KBTBD4: variants seen among roughly 807,000 people sequenced by gnomAD.
KBTBD4 encodes kelch repeat and BTB domain containing 4.
KBTBD4 carries 30 observed loss-of-function variants against 43.9 expected under a neutral mutation model. That is an observed-to-expected ratio of 0.68 (90% CI 0.51 to 0.93). The LOEUF (loss-of-function observed/expected upper bound fraction) is 0.93, where lower values mean the gene tolerates loss of function less well. KBTBD4 is among the 40% of genes least tolerant of loss of function. The pLI, the probability that KBTBD4 is intolerant of heterozygous loss-of-function variation, is 0.00. For missense variants in KBTBD4, 575 were observed against 668.8 expected (o/e 0.86, Z 1.55); for synonymous variants, 258 against 256.9 (o/e 1.00, Z -0.04).
intron 1 of KBTBD4, 155 bp downstream of exon 1, chr11:47,578,778 G>T: frequency 6.6e-7 from 1 of 1,519,768 alleles, no homozygotes; most frequent in Non-Finnish European, 8.8e-7. Context: ...GAGCGGGGGA[G>T]GGGTGTGTAG....
chr11:47,573,373 C>T lies in KBTBD4; in HGVS notation c.1162G>A (p.Ala388Thr). The part of the protein sequence containing the change: ...TQLEVAVSGA[A>T]GANLNGIIYL... Reference sequence around the variant, plus strand: ...ATGATCCCGTTGAGGTTGGCACCAGCAGCCCCTGACACAGCCACCTCTAGC... The same window carrying T: ...ATGATCCCGTTGAGGTTGGCACCAGTAGCCCCTGACACAGCCACCTCTAGC... Residue 388 changes from alanine to threonine, a missense_variant, in exon 4 of 4, where the codon GCT becomes ACT. Transcript: ENST00000430070. This position sits in a 1 kb window ranked among gnomAD's most constrained non-coding sequence, Gnocchi z 4.1. The T allele has an allele frequency of 6.2e-7, 1 of 1,614,200 alleles. No homozygotes were observed. The highest frequency in any genetic ancestry group is 8.5e-7 in the Non-Finnish European group (1 of 1,180,040).
At chr11:47,575,913 A>G (rs1288777531) in intron 2 of KBTBD4, among the ~76,000 whole-genome samples, 1 of 150,936 alleles carries the variant, frequency 6.6e-6, no homozygotes, top group African/African-American at 2.4e-5. Flanking sequence ...CAGAAGTGCA[A>G]TGGCGCAATC....
chr11:47,575,883 G>T (rs546889423), intron 2 of KBTBD4, among the ~76,000 whole-genome samples, 184 bp from the exon 3 acceptor site: 4 of 150,490 alleles, frequency 2.7e-5, no homozygotes, highest in East Asian at 1.9e-4. Context: ...TTGAGGCAGG[G>T]TCTCACCCTG....
chr11:47,578,422 A>T, intron 1 of KBTBD4: 3 of 569,130 alleles, frequency 5.3e-6, no homozygotes, highest in Non-Finnish European at 9.2e-6. Flanking sequence ...GCTCAGGGGC[A>T]GTAGAATCAG....
chr11:47,572,322 A>G lies in KBTBD4; in HGVS notation c.*608T>C, dbSNP rs758801128. On this transcript the variant is annotated 3_prime_UTR_variant, in exon 4 of 4. Coordinates refer to ENST00000430070, the MANE Select transcript of KBTBD4 (RefSeq NM_018095.6). ...TTTCTGCTATTAATCAGAAATAATC[A>G]TTTCTATTTTCTGGCTTACCCCTTG... is the stretch of plus-strand genomic sequence containing the variant. 3.9e-5 allele frequency: 6 copies of G among 152,926 alleles called. No homozygotes were observed. The highest frequency in any genetic ancestry group is 1.4e-4 in the African/African-American group (6 of 41,466). 9.5% of individuals were successfully genotyped at this position (152,926 alleles called of 1,614,324 possible). A position where few individuals can be genotyped will look rare whatever the true frequency, so the allele number is the denominator to read the frequency against.
chr11:47,574,802 C>T (rs763256678), intron 3 of KBTBD4, among the ~76,000 whole-genome samples: 1 of 151,888 alleles, frequency 6.6e-6, no homozygotes. Context: ...TGCAGTGAGC[C>T]GAGATCGCAC....
At chr11:47,578,829 C>T in intron 1 of KBTBD4, 104 bp downstream of exon 1, 1 of 1,546,148 alleles carries the variant, frequency 6.5e-7, no homozygotes, top group Non-Finnish European at 8.7e-7. Flanking sequence ...TCCTCTCACC[C>T]GCCTGGTTCT....
At position 47,572,850 on chromosome 11, in the gene KBTBD4, T is replaced by G. The variant is rs2097251690; in HGVS notation, c.*80A>C. ...TAGTATGTGCCAAAAAAAACATAAC[T>G]CTGAATTGGGGCCCAGGGGACTTTG... On this transcript the variant is annotated 3_prime_UTR_variant, in exon 4 of 4. Coordinates refer to ENST00000430070, the MANE Select transcript of KBTBD4 (RefSeq NM_018095.6). 6.8e-7 allele frequency: 1 copy of G among 1,471,346 alleles called. No individual in the cohort carries two copies. Among genetic ancestry groups the G allele is most frequent in the African/African-American group, 1.4e-5 (1 of 70,898 alleles). 91.1% of individuals were successfully genotyped at this position (1,471,346 alleles called of 1,614,324 possible). A position where few individuals can be genotyped will look rare whatever the true frequency, so the allele number is the denominator to read the frequency against.
At chr11:47,578,797 C>T in intron 1 of KBTBD4, 136 bp downstream of exon 1, 1 of 1,537,196 alleles carries the variant, frequency 6.5e-7, no homozygotes, top group South Asian at 1.2e-5. Context: ...AGCGTAGAAC[C>T]CAAAACGCCC....
At chr11:47,575,766 T>TA (rs963842285) in intron 2 of KBTBD4, 67 bp from the exon 3 acceptor site, 2 of 1,049,274 alleles carry the variant, frequency 1.9e-6, no homozygotes, top group African/African-American at 3.2e-5. Context: ...TAAGGGACTT[T>TA]AAAGATGTGA....
Position 47,572,991 on chromosome 11 carries a change from G to A in KBTBD4, c.1544C>T (p.Ala515Val), listed in dbSNP as rs1441928437. The change falls in exon 4 of 4, where the codon GCC becomes GTC. Residue 515 changes from alanine (A) to valine (V), a missense_variant. Ala to Val is a moderately conservative substitution (Grantham distance 64). Transcript: ENST00000430070. Reference protein sequence around the residue: ...NTYKLDPATSAVTVTRGIKVL... With the variant: ...NTYKLDPATSVVTVTRGIKVL... ...CTTAATACCTCTTGTGACAGTTACG[G>A]CTGAAGTGGCAGGGTCAAGCTTGTA... The A allele has an allele frequency of 1.9e-6, 3 of 1,614,182 alleles. No homozygotes were observed. Among genetic ancestry groups the A allele is most frequent in the Admixed American group, 1.7e-5 (1 of 60,022 alleles).
At chr11:47,574,263 G>A (rs866882771) in intron 3 of KBTBD4, among the ~76,000 whole-genome samples, 7 of 152,232 alleles carry the variant, frequency 4.6e-5, no homozygotes, top group South Asian at 2.1e-4. Flanking sequence ...TTGGGAGGCC[G>A]AGGTGGGCAG....
Position 47,575,766 on chromosome 11 carries a change from T to C in KBTBD4, c.638-67A>G, listed in dbSNP as rs1006602365. 53 of 1,049,282 alleles carry C rather than the reference T, an allele frequency of 5.1e-5. 1 individual carries two copies. Among genetic ancestry groups the C allele is most frequent in the Middle Eastern group, 2.1e-4 (1 of 4,876 alleles). The allele number at this position is 1,049,282 out of a possible 1,614,324, so 65.0% of individuals were successfully genotyped here. ...AAGAGAAATTCAGAGTAAGGGACTT[T>C]AAAGATGTGAACCACTTTATTAGAC... On this transcript the variant is annotated intron_variant, in intron 2 of 3. Coordinates refer to ENST00000430070, the MANE Select transcript of KBTBD4 (RefSeq NM_018095.6).
At chr11:47,578,722 T>G in intron 1 of KBTBD4, 5 of 1,408,966 alleles carry the variant, frequency 3.5e-6, no homozygotes, top group Admixed American at 2.3e-5. Flanking sequence ...GGGAAACCGT[T>G]CTTCCCGCTC....
chr11:47,578,664 T>C (rs2097265070), intron 1 of KBTBD4: 1 of 921,666 alleles, frequency 1.1e-6, no homozygotes, highest in Non-Finnish European at 1.7e-6. Flanking sequence ...CCCATCACCC[T>C]GTGCAATGTC....
Position 47,575,480 on chromosome 11 carries a change from C to T in KBTBD4, c.744+113G>A, listed in dbSNP as rs1426176862. The stretch of plus-strand genomic sequence containing the variant: ...CGAGATTGCGCCACTGCACTCCAGC[C>T]TGGACGACAGAGCAAGACTCCATCT... On this transcript the variant is annotated intron_variant, in intron 3 of 3. Transcript: ENST00000430070. The T allele has an allele frequency of 5.8e-6, 4 of 686,224 alleles. No homozygotes were observed. In the African/African-American group the frequency reaches 7.4e-5, roughly 13 times the overall value. The allele number at this position is 686,224 out of a possible 1,614,324, so 42.5% of individuals were successfully genotyped here. A position where few individuals can be genotyped will look rare whatever the true frequency, so the allele number is the denominator to read the frequency against.
chr11:47,577,369 A>G (rs757257558), intron 2 of KBTBD4, 42 bp downstream of exon 2: 3 of 1,541,258 alleles, frequency 1.9e-6, no homozygotes, highest in African/African-American at 1.4e-5. Flanking sequence ...TGAACATCAT[A>G]GCCAAGTAAC....
Position 47,573,874 on chromosome 11 carries a change from C to T in KBTBD4, c.745-84G>A. 2.4e-6 allele frequency: 3 copies of T among 1,249,738 alleles called. No homozygotes were observed. In the South Asian group the frequency reaches 4.3e-5, roughly 18 times the overall value. The allele number at this position is 1,249,738 out of a possible 1,614,324, so 77.4% of individuals were successfully genotyped here. ...AGACACATATCCTTAAGATCCTGGC[C>T]CTCACACTTGTTCCTAGCTTTATCA... On this transcript the variant is annotated intron_variant, in intron 3 of 3. Transcript: ENST00000430070. The surrounding 1 kb of genome is among the most constrained non-coding windows in gnomAD (Gnocchi z 4.1).
chr11:47,577,375 G>A (rs745591988), intron 2 of KBTBD4, 36 bp downstream of exon 2: 4 of 1,546,310 alleles, frequency 2.6e-6, no homozygotes, highest in Middle Eastern at 1.7e-4. Context: ...TCATAGCCAA[G>A]TAACTGGGTA....
Sources: allele counts gnomAD v4.1 joint callset (sites outside exome capture counted in the v4.1 genomes callset), GRCh38; gene constraint gnomAD v4.1.1; non-coding constraint Gnocchi (gnomAD v3.1); transcripts MANE v1.5; gene names NCBI Gene and HGNC (gene_info 2026-07-23, HGNC 2026-07-21).